Variants in FAM185A observed in about 807,000 individuals in gnomAD.
FAM185A encodes protein FAM185A.
FAM185A carries 21 observed loss-of-function variants against 45.7 expected under a neutral mutation model. The ratio of observed to expected loss-of-function variants is 0.46; its 90% CI spans 0.33 to 0.66. The LOEUF (loss-of-function observed/expected upper bound fraction) is 0.66, where lower values mean the gene tolerates loss of function less well. Among genes scored for constraint, FAM185A ranks in the 30% least tolerant of loss-of-function variants. The pLI is 0.03. For synonymous variants in FAM185A, 117 were observed against 194.0 expected (o/e 0.60, Z 3.30); for missense variants, 305 against 485.4 (o/e 0.63, Z 3.49).
downstream of FAM185A, among the ~76,000 whole-genome samples, chr7:102,809,754 A>G (rs1456009460): frequency 6.6e-6 from 1 of 152,176 alleles, no homozygotes; most frequent in African/African-American, 2.4e-5. Flanking sequence ...TAACTATACT[A>G]TAAGACCAGA....
chr7:102,808,151 G>A, intron 7 of FAM185A, 139 bp from the exon 8 acceptor site: 1 of 628,518 alleles, frequency 1.6e-6, no homozygotes, highest in Non-Finnish European at 2.8e-6. Flanking sequence ...TAACCTCTTT[G>A]CAACTCCTGC....
the FAM185A span, among the ~76,000 whole-genome samples, chr7:102,834,112 A>G: frequency 8.6e-6 from 1 of 115,684 alleles, no homozygotes; most frequent in African/African-American, 4.3e-5. Context: ...GAAAGAAAGA[A>G]AGAAAGAAAG....
In FAM185A at chr7:102,808,801, T is replaced by C. The variant is rs924179970; in HGVS notation, c.*399T>C. The C allele has an allele frequency of 3.5e-5, 6 of 173,758 alleles. No individual in the cohort carries two copies. Among genetic ancestry groups the C allele is most frequent in the Non-Finnish European group, 6.2e-5 (5 of 81,086 alleles). 10.8% of individuals were successfully genotyped at this position (173,758 alleles called of 1,614,324 possible). ...TGGATGACTGAGGTCTCCATTTTCT[T>C]GCTGGCTGTCAGCCAGCAATCACTC... On this transcript the variant is annotated 3_prime_UTR_variant, in exon 8 of 8. Transcript: ENST00000413034.
intron 7 of FAM185A, among the ~76,000 whole-genome samples, chr7:102,792,879 G>C (rs1416873102): frequency 1.3e-5 from 2 of 152,226 alleles, no homozygotes; most frequent in African/African-American, 4.8e-5. Context: ...TGGGTTGGAA[G>C]AGGTTGAAAT....
chr7:102,846,265 G>T, the FAM185A span, among the ~76,000 whole-genome samples: 21 of 152,268 alleles, frequency 1.4e-4, no homozygotes, highest in African/African-American at 5.1e-4. Flanking sequence ...TACATGGAAA[G>T]TCTAATCCAA....
At chr7:102,807,785 G>A (rs948353068) in intron 7 of FAM185A, among the ~76,000 whole-genome samples, 7 of 151,590 alleles carry the variant, frequency 4.6e-5, no homozygotes, top group East Asian at 1.9e-4. Flanking sequence ...TAGGCTGGGC[G>A]TGGTGGCTCA....
chr7:102,784,618 G>T (rs1269695228), intron 6 of FAM185A, among the ~76,000 whole-genome samples: 1 of 152,050 alleles, frequency 6.6e-6, no homozygotes, highest in Non-Finnish European at 1.5e-5. Context: ...AAAAGGCCTT[G>T]ACAAAATTCA....
the FAM185A span, among the ~76,000 whole-genome samples, chr7:102,818,507 A>C: frequency 1.3e-5 from 2 of 152,244 alleles, no homozygotes; most frequent in East Asian, 1.9e-4. Context: ...AAAAGTCAAC[A>C]GCTCCACATC....
intron 7 of FAM185A, among the ~76,000 whole-genome samples, chr7:102,807,741 G>A (rs79280534): frequency 5.6e-5 from 8 of 143,464 alleles, no homozygotes; most frequent in African/African-American, 1.3e-4. Flanking sequence ...GTGAAACCCC[G>A]TCTCCACTTA....
At chr7:102,836,117 C>T in the FAM185A span, among the ~76,000 whole-genome samples, 3 of 152,192 alleles carry the variant, frequency 2.0e-5, no homozygotes, top group Admixed American at 6.5e-5. Flanking sequence ...TTGGACTGCT[C>T]GAATCAAATC....
chr7:102,790,905 G>A (rs1207716647), intron 7 of FAM185A, among the ~76,000 whole-genome samples: 2 of 151,968 alleles, frequency 1.3e-5, no homozygotes, highest in Non-Finnish European at 2.9e-5. Context: ...CCGGAAACTA[G>A]GAGTGCAAGG....
At chr7:102,842,044 C>T in the FAM185A span, among the ~76,000 whole-genome samples, 10 of 152,190 alleles carry the variant, frequency 6.6e-5, no homozygotes, top group African/African-American at 2.2e-4. Flanking sequence ...CCATCATAGA[C>T]AGTTTAGTCA....
intron 7 of FAM185A, among the ~76,000 whole-genome samples, chr7:102,797,732 C>T (rs1796519982): frequency 6.6e-6 from 1 of 152,042 alleles, no homozygotes; most frequent in African/African-American, 2.4e-5. Flanking sequence ...AGTGGGTGGC[C>T]CAAAGTGTTT....
At chr7:102,787,288 CT>C in intron 6 of FAM185A, 46 bp from the exon 7 acceptor site, 1 of 1,279,492 alleles carries the variant, frequency 7.8e-7, no homozygotes. Context: ...GACTCTGGTA[CT>C]TTTGATTTCT....
intron 5 of FAM185A, among the ~76,000 whole-genome samples, chr7:102,775,528 G>A (rs1213390905): frequency 2.6e-5 from 4 of 152,166 alleles, no homozygotes; most frequent in African/African-American, 9.6e-5. Flanking sequence ...CATCATTAGA[G>A]ATCAATACAG....
intron 1 of FAM185A, among the ~76,000 whole-genome samples, chr7:102,750,692 G>C (rs1337162468): frequency 6.6e-6 from 1 of 151,946 alleles, no homozygotes; most frequent in East Asian, 1.9e-4. Context: ...GGAATCAAGT[G>C]GGGGGGCGGG....
At chr7:102,790,118 C>T (rs190919648) in intron 7 of FAM185A, among the ~76,000 whole-genome samples, 25 of 151,934 alleles carry the variant, frequency 1.6e-4, no homozygotes, top group Admixed American at 5.9e-4. Flanking sequence ...TACACTCTAA[C>T]GATAAAAAGT....
Position 102,750,310 on chromosome 7 carries a change from G to A in FAM185A, c.451+652G>A, listed in dbSNP as rs536143942. ...ACACTTTTCTAGGAAGGGCTCCCCA[G>A]ACTGTCATTCTTCCTGGGACTGATG... On this transcript the variant is annotated intron_variant, in intron 1 of 7. Coordinates refer to ENST00000413034, the MANE Select transcript of FAM185A (RefSeq NM_001145268.2). 1.9e-3 allele frequency among the ~76,000 whole-genome samples: 284 copies of A among 152,300 alleles called. 2 individuals carry two copies. Among genetic ancestry groups the A allele is most frequent in the South Asian group, 2.9e-3 (14 of 4,830 alleles).
chr7:102,778,148 G>T (rs1008023999), intron 6 of FAM185A, among the ~76,000 whole-genome samples: 1 of 152,198 alleles, frequency 6.6e-6, no homozygotes, highest in African/African-American at 2.4e-5. Flanking sequence ...GAGACTGATT[G>T]TTCCTGCTAT....
Sources: allele counts gnomAD v4.1 joint callset (sites outside exome capture counted in the v4.1 genomes callset), GRCh38; gene constraint gnomAD v4.1.1; transcripts MANE v1.5; gene names NCBI Gene and HGNC (gene_info 2026-07-23, HGNC 2026-07-21).